ANTXRL: variants seen among roughly 807,000 people sequenced by gnomAD.
ANTXRL encodes the protein anthrax toxin receptor-like.
A neutral mutation model predicts 75.4 loss-of-function variants in ANTXRL; 63 were observed. The ratio of observed to expected loss-of-function variants is 0.84; its 90% CI spans 0.68 to 1.03. ANTXRL has a LOEUF of 1.03. Ranked by LOEUF, ANTXRL falls within the 50% of genes least tolerant of loss-of-function variation. The pLI is 0.00. For synonymous variants in ANTXRL, 335 were observed against 291.3 expected, an observed-to-expected ratio of 1.15 and a Z score of -1.53; for missense variants, 797 against 789.4, an observed-to-expected ratio of 1.01 and a Z score of -0.12.
At chr10:46,311,357 A>C (rs1838411581) in intron 14 of ANTXRL, among the ~76,000 whole-genome samples, 153 bp from the exon 15 acceptor site, 1 of 152,120 alleles carries the variant, frequency 6.6e-6, no homozygotes. Flanking sequence ...ATGTCTGCCA[A>C]CTAGGAGGAG....
Position 46,311,518 on chromosome 10 carries a change from G to C in ANTXRL, c.1182G>C (p.Glu394Asp), listed in dbSNP as rs782462863. 3.2e-4 allele frequency: 486 copies of C among 1,532,160 alleles called. 1 individual carries two copies. Among genetic ancestry groups the C allele is most frequent in the Non-Finnish European group, 4.0e-4 (454 of 1,145,002 alleles). The allele number at this position is 1,532,160 out of a possible 1,614,324, so 94.9% of individuals were successfully genotyped here. A position where few individuals can be genotyped will look rare whatever the true frequency, so the allele number is the denominator to read the frequency against. The change falls in exon 15 of 17, where the codon GAG becomes GAC. Residue 394 changes from glutamate (E) to aspartate (D), a missense_variant. Glu to Asp is a conservative substitution (Grantham distance 45, BLOSUM62 2). Coordinates refer to ENST00000620264, the MANE Select transcript of ANTXRL (RefSeq NM_001278688.3). The stretch of plus-strand genomic sequence containing the variant: ...TGTTTTTCTTTTTTTAGGAGCCAGA[G>C]CAGGAAAAACCACCATCACCACCAC... ...PPVQKPEKEP[E>D]QEKPPSPPPP...
chr10:46,311,516 G>A lies in ANTXRL; in HGVS notation c.1180G>A (p.Glu394Lys). The change falls in exon 15 of 17, where the codon GAG (glutamate) becomes AAG (lysine). Residue 394 changes from glutamate (E) to lysine (K), a missense_variant. Physicochemically the swap from Glu to Lys is moderately conservative, Grantham distance 56. Around this residue, in one of 3 missense-constraint regions of ANTXRL, gnomAD observed 479 missense variants for 422.0 expected, o/e 1.14. Coordinates refer to ENST00000620264, the MANE Select transcript of ANTXRL (RefSeq NM_001278688.3). The stretch of plus-strand genomic sequence containing the variant: ...GTTGTTTTTCTTTTTTTAGGAGCCA[G>A]AGCAGGAAAAACCACCATCACCACC... The part of the protein sequence containing the change: ...PPVQKPEKEP[E>K]QEKPPSPPPP... The A allele has an allele frequency of 6.5e-7, 1 of 1,532,104 alleles. No individual in the cohort carries two copies. 94.9% of individuals were successfully genotyped at this position (1,532,104 alleles called of 1,614,324 possible). A position where few individuals can be genotyped will look rare whatever the true frequency, so the allele number is the denominator to read the frequency against.
intron 10 of ANTXRL, among the ~76,000 whole-genome samples, chr10:46,305,367 C>T (rs1426167072): frequency 5.9e-5 from 9 of 152,186 alleles, no homozygotes; most frequent in South Asian, 2.1e-4. Flanking sequence ...TATTCAGGAA[C>T]AGGACATTGC....
intron 12 of ANTXRL, among the ~76,000 whole-genome samples, chr10:46,307,922 C>A (rs1838190140): frequency 6.6e-6 from 1 of 152,166 alleles, no homozygotes; most frequent in Non-Finnish European, 1.5e-5. Context: ...GCTCCCTCGC[C>A]AAGCCCTGTA....
In ANTXRL at chr10:46,322,895, C is replaced by T. The variant is rs965757381; in HGVS notation, c.1411-6704C>T. Among the ~76,000 whole-genome samples, 2 of 152,108 alleles carry T rather than the reference C, an allele frequency of 1.3e-5. 1 individual carries two copies. The highest frequency in any genetic ancestry group is 2.9e-5 in the Non-Finnish European group (2 of 68,028). The stretch of plus-strand genomic sequence containing the variant: ...GCACTAGCTGATTTGGCATAAATAC[C>T]TTCTAGAGCATTCCTTTTATATTCA... On this transcript the variant is annotated intron_variant, in intron 16 of 16. Transcript: ENST00000620264.
At chr10:46,306,915 A>G (rs1430983078) in intron 11 of ANTXRL, 43 bp downstream of exon 11, 71 of 1,477,794 alleles carry the variant, frequency 4.8e-5, no homozygotes, top group Non-Finnish European at 6.1e-5. Context: ...GAGACCAGGG[A>G]GTCAGGGTTG....
At chr10:46,296,813 C>A (rs1837406723) in intron 5 of ANTXRL, among the ~76,000 whole-genome samples, 1 of 152,170 alleles carries the variant, frequency 6.6e-6, no homozygotes, top group Admixed American at 6.5e-5. Context: ...GGGCTGCCTG[C>A]AGGCTCTGCT....
chr10:46,311,621 TG>T lies in ANTXRL; in HGVS notation c.1286del (p.Cys429PhefsTer11). On this transcript the variant is annotated frameshift_variant, in exon 15 of 17. Transcript: ENST00000620264. LOFTEE classifies it high-confidence loss of function. ...AAACACCTGCCCCACTGTGATTATT[TG>T]TTGCTGTGGATGCCAAGGAGTGGGC... ...PVNTCPTVII[C>X]CCGCQGVGGM... 7.4e-7 allele frequency: 1 copy of T among 1,353,316 alleles called. No homozygotes were observed. Among genetic ancestry groups the T allele is most frequent in the Non-Finnish European group, 1.0e-6 (1 of 979,980 alleles). The allele number at this position is 1,353,316 out of a possible 1,614,324, so 83.8% of individuals were successfully genotyped here.
chr10:46,312,195 A>C (rs1278439923), intron 15 of ANTXRL, among the ~76,000 whole-genome samples: 1 of 151,480 alleles, frequency 6.6e-6, no homozygotes, highest in Non-Finnish European at 1.5e-5. Context: ...AAAAGCTGTC[A>C]CTGAGTGGGC....
Position 46,306,891 on chromosome 10 carries a change from A to G in ANTXRL, c.965+19A>G. The G allele has an allele frequency of 1.3e-6, 2 of 1,515,974 alleles. No homozygotes were observed. The highest frequency in any genetic ancestry group is 1.8e-6 in the Non-Finnish European group (2 of 1,137,162). The allele number at this position is 1,515,974 out of a possible 1,614,324, so 93.9% of individuals were successfully genotyped here. A position where few individuals can be genotyped will look rare whatever the true frequency, so the allele number is the denominator to read the frequency against. On this transcript the variant is annotated intron_variant, in intron 11 of 16. Transcript: ENST00000620264. Reference sequence around the variant, plus strand: ...CTGGAGAGTAAGTGCCCCTGGCAGGAGGCTAGAGGGCAAGAGACCAGGGAG... The same window carrying G: ...CTGGAGAGTAAGTGCCCCTGGCAGGGGGCTAGAGGGCAAGAGACCAGGGAG...
chr10:46,292,473 C>G (rs1297865667), intron 2 of ANTXRL, among the ~76,000 whole-genome samples: 1 of 152,080 alleles, frequency 6.6e-6, no homozygotes, highest in Non-Finnish European at 1.5e-5. Flanking sequence ...GCAAAGAACT[C>G]CGTGGAAGGT....
At position 46,313,233 on chromosome 10, in the gene ANTXRL, C is replaced by T. The variant is rs1554963944; in HGVS notation, c.1330-3C>T. ...TCTTCCTCATGGCCACGTTGCTTTT[C>T]AGGGCAATCTGGATACCTTTTGTGA... is the stretch of plus-strand genomic sequence containing the variant. On this transcript the variant is annotated splice_polypyrimidine_tract_variant and splice_region_variant and intron_variant, in intron 15 of 16. Transcript: ENST00000620264. 6.5e-7 allele frequency: 1 copy of T among 1,535,790 alleles called. No homozygotes were observed. The highest frequency in any genetic ancestry group is 1.4e-5 in the African/African-American group (1 of 73,108).
chr10:46,308,344 A>C (rs1393391056), intron 12 of ANTXRL: 6 of 406,908 alleles, frequency 1.5e-5, no homozygotes, highest in African/African-American at 6.2e-5. Context: ...CTTCATGCTC[A>C]GCCTCAGTGG....
intron 10 of ANTXRL, 48 bp from the exon 11 acceptor site, chr10:46,306,755 G>A (rs1319612954): frequency 6.9e-7 from 1 of 1,451,948 alleles, no homozygotes; most frequent in Admixed American, 2.2e-5. Context: ...GGGAGGAACA[G>A]TGGACAGACA....
intron 13 of ANTXRL, among the ~76,000 whole-genome samples, chr10:46,309,933 G>T (rs1838324224): frequency 6.6e-6 from 1 of 152,154 alleles, no homozygotes; most frequent in Non-Finnish European, 1.5e-5. Flanking sequence ...GGGAGCTGGG[G>T]TGGACGGACC....
chr10:46,315,349 C>A (rs1213782457), intron 16 of ANTXRL, among the ~76,000 whole-genome samples: 1 of 152,348 alleles, frequency 6.6e-6, no homozygotes, highest in Admixed American at 6.5e-5. Flanking sequence ...CCGCTGGAGA[C>A]CAGGCTTGGA....
At chr10:46,320,904 C>T (rs1838948632) in intron 16 of ANTXRL, among the ~76,000 whole-genome samples, 2 of 152,226 alleles carry the variant, frequency 1.3e-5, no homozygotes, top group South Asian at 2.1e-4. Flanking sequence ...TAGATAATTC[C>T]CAGGTCTTGA....
rs189187621 is a variant in ANTXRL, at chr10:46,296,034, C to T, written c.408C>T (p.Asn136=). The change falls in exon 4 of 17, where the codon AAC becomes AAT. Residue 136 remains asparagine, a synonymous_variant. Coordinates refer to ENST00000620264, the MANE Select transcript of ANTXRL (RefSeq NM_001278688.3). ...PLTSDKNRIK[N]GLDQLQKIVP... ...TTTTTTTCAGGAATAGAATAAAAAA[C>T]GGTCTTGACCAACTTCAGAAAATTG... 3.6e-5 allele frequency: 55 copies of T among 1,535,810 alleles called. No individual in the cohort carries two copies. Among genetic ancestry groups the T allele is most frequent in the East Asian group, 3.2e-4 (13 of 40,918 alleles).
chr10:46,297,798 G>T, intron 7 of ANTXRL, 33 bp from the exon 8 acceptor site: 1 of 1,528,862 alleles, frequency 6.5e-7, no homozygotes. Flanking sequence ...TCACCTCCTG[G>T]TGGGGAGTCC....
Sources: allele counts gnomAD v4.1 joint callset (sites outside exome capture counted in the v4.1 genomes callset), GRCh38; gene constraint gnomAD v4.1.1; regional missense constraint gnomAD v4.1.1; transcripts MANE v1.5; gene names NCBI Gene and HGNC (gene_info 2026-07-23, HGNC 2026-07-21).